Variants in GALNT14 observed in about 807,000 individuals in gnomAD.
GALNT14 encodes polypeptide N-acetylgalactosaminyltransferase 14, also known as UDP-GalNAc:polypeptide N-acetylgalactosaminyltransferase 14.
In GALNT14, 60 loss-of-function variants were observed where a neutral mutation model predicts 77.5. The ratio of observed to expected loss-of-function variants is 0.77; its 90% confidence interval spans 0.63 to 0.96. The LOEUF (loss-of-function observed/expected upper bound fraction) is 0.96. Among genes scored for constraint, GALNT14 ranks in the 40% least tolerant of loss-of-function variants. GALNT14 has a pLI of 0.00. For missense variants in GALNT14, 710 were observed against 731.0 expected, an observed-to-expected ratio of 0.97 and a Z score of 0.33; for synonymous variants, 280 against 281.7, an observed-to-expected ratio of 0.99 and a Z score of 0.06.
chr2:30,912,468 T>C, intron 13 of GALNT14, 126 bp from the exon 14 acceptor site: 1 of 1,068,886 alleles, frequency 9.4e-7, no homozygotes, highest in South Asian at 1.6e-5. Context: ...CAGTAGGCAA[T>C]GATCATCAAG....
At chr2:31,035,398 C>T (rs554686992) in intron 1 of GALNT14, among the ~76,000 whole-genome samples, 1 of 151,778 alleles carries the variant, frequency 6.6e-6, no homozygotes, top group East Asian at 2.0e-4. Context: ...GTGCAATATT[C>T]ATATGGTTCT....
At chr2:31,059,919 A>C (rs1459996105) in intron 1 of GALNT14, among the ~76,000 whole-genome samples, 1 of 152,176 alleles carries the variant, frequency 6.6e-6, no homozygotes, top group Non-Finnish European at 1.5e-5. Flanking sequence ...TTGTTATAGC[A>C]GTCCAAGCAG....
chr2:31,108,843 G>A (rs574624562), intron 1 of GALNT14, among the ~76,000 whole-genome samples: 44 of 152,178 alleles, frequency 2.9e-4, no homozygotes, highest in Non-Finnish European at 5.3e-4. Flanking sequence ...TTTTACAAAG[G>A]CAAGCACAGC....
the GALNT14 span, among the ~76,000 whole-genome samples, chr2:30,888,038 TC>T: frequency 2.6e-5 from 4 of 152,174 alleles, no homozygotes; most frequent in African/African-American, 9.7e-5. Context: ...GTCTGGGACA[TC>T]CTTTTACCCT....
intron 1 of GALNT14, among the ~76,000 whole-genome samples, chr2:31,097,525 A>C (rs1226605966): frequency 5.8e-5 from 2 of 34,668 alleles, no homozygotes; most frequent in Non-Finnish European, 1.2e-4. Context: ...ACAAACAAGC[A>C]AAAAAAAAAA....
At chr2:31,053,276 C>A (rs1471266339) in intron 1 of GALNT14, among the ~76,000 whole-genome samples, 1 of 152,124 alleles carries the variant, frequency 6.6e-6, no homozygotes, top group Non-Finnish European at 1.5e-5. Flanking sequence ...GTAGAGAACC[C>A]TGACTCCGGG....
intron 1 of GALNT14, among the ~76,000 whole-genome samples, chr2:31,093,228 G>A (rs1676844014): frequency 1.3e-5 from 2 of 152,310 alleles, no homozygotes; most frequent in African/African-American, 4.8e-5. Flanking sequence ...GAAGGAGAGA[G>A]ATGGGATGGA....
At chr2:31,056,491 AC>A (rs1674215152) in intron 1 of GALNT14, among the ~76,000 whole-genome samples, 1 of 152,064 alleles carries the variant, frequency 6.6e-6, no homozygotes, top group Non-Finnish European at 1.5e-5. Context: ...AGACATTATG[AC>A]CCAGATCACT....
chr2:30,925,660 G>A (rs1220705478), intron 11 of GALNT14, among the ~76,000 whole-genome samples: 5 of 152,234 alleles, frequency 3.3e-5, no homozygotes, highest in Non-Finnish European at 7.3e-5. Context: ...GAATGTATGG[G>A]TGGTGATTTG....
intron 1 of GALNT14, among the ~76,000 whole-genome samples, chr2:31,003,140 C>T (rs1345050766): frequency 6.6e-6 from 1 of 152,142 alleles, no homozygotes; most frequent in Non-Finnish European, 1.5e-5. Flanking sequence ...CTCTCCTTCT[C>T]TTTAGTATTC....
chr2:31,017,249 T>C (rs73923378), intron 1 of GALNT14, among the ~76,000 whole-genome samples: 8,418 of 152,274 alleles, frequency 0.055, 752 homozygotes, highest in African/African-American at 0.19. Flanking sequence ...GCCAGGATGT[T>C]CTTCCTGTAA....
At chr2:30,985,432 C>G (rs934534113) in intron 2 of GALNT14, among the ~76,000 whole-genome samples, 2 of 152,046 alleles carry the variant, frequency 1.3e-5, no homozygotes, top group African/African-American at 2.4e-5. Context: ...GACCCAGAGG[C>G]CCTTGCTAAC....
Position 30,928,091 on chromosome 2 carries a change from A to G in GALNT14, c.1151+1304T>C, listed in dbSNP as rs1209477902. Among the ~76,000 whole-genome samples, 4 of 152,114 alleles carry G rather than the reference A, an allele frequency of 2.6e-5. No homozygotes were observed. The East Asian group carries it at 7.7e-4, about 29-fold the overall frequency. On this transcript the variant is annotated intron_variant, in intron 11 of 14. Coordinates refer to ENST00000349752, the MANE Select transcript of GALNT14 (RefSeq NM_024572.4). Reference sequence around the variant, plus strand: ...GGGATGTGGTTGATATGGCCAACAGATTGGAAGTTCTGATGAGGACTGAAA... The same window carrying G: ...GGGATGTGGTTGATATGGCCAACAGGTTGGAAGTTCTGATGAGGACTGAAA...
the GALNT14 span, among the ~76,000 whole-genome samples, chr2:30,890,539 G>A: frequency 4.6e-5 from 7 of 152,158 alleles, no homozygotes; most frequent in African/African-American, 1.2e-4. Flanking sequence ...TGAGATACAC[G>A]ATTATTAGTA....
At chr2:30,908,670 G>C (rs1365014607), downstream of GALNT14, among the ~76,000 whole-genome samples, 6 of 106,344 alleles carry the variant, frequency 5.6e-5, no homozygotes, top group Non-Finnish European at 9.3e-5. Context: ...TCCCCATCAA[G>C]CTACCAATGA....
chr2:31,100,017 T>G (rs1449456639), intron 1 of GALNT14, among the ~76,000 whole-genome samples: 1 of 152,062 alleles, frequency 6.6e-6, no homozygotes, highest in Non-Finnish European at 1.5e-5. Flanking sequence ...TCCATTTGCT[T>G]CAGGATCCTT....
intron 1 of GALNT14, among the ~76,000 whole-genome samples, chr2:30,993,896 G>C (rs547108448): frequency 1.3e-5 from 2 of 152,300 alleles, no homozygotes; most frequent in African/African-American, 4.8e-5. Context: ...AGGCTGCCTA[G>C]TGTGGGTCTG....
chr2:31,111,283 C>T (rs914643003), intron 1 of GALNT14, among the ~76,000 whole-genome samples: 1 of 152,214 alleles, frequency 6.6e-6, no homozygotes, highest in African/African-American at 2.4e-5. Flanking sequence ...GGACAGGGAC[C>T]TTCCGGGGTG....
chr2:30,973,055 A>G (rs1049441694), intron 2 of GALNT14, among the ~76,000 whole-genome samples: 8 of 152,246 alleles, frequency 5.3e-5, no homozygotes, highest in African/African-American at 1.9e-4. Context: ...CAGAGGCCAG[A>G]GCCACAAAGA....
Sources: gnomAD v4.1 joint callset for allele counts (sites outside exome capture counted in the v4.1 genomes callset) on GRCh38, gnomAD v4.1.1 for gene constraint, MANE v1.5 for transcripts, NCBI Gene and HGNC (gene_info 2026-07-23, HGNC 2026-07-21) for gene names.